Variants in TOM1L2 observed in about 807,000 individuals in gnomAD.
The protein encoded by TOM1L2 is target of myb1 like 2 membrane trafficking protein.
TOM1L2 carries 31 observed loss-of-function variants against 67.9 expected under a neutral mutation model. That is an observed-to-expected ratio of 0.46 (90% CI 0.34 to 0.62). The LOEUF (loss-of-function observed/expected upper bound fraction) is 0.62, where lower values mean the gene tolerates loss of function less well. Ranked by LOEUF, TOM1L2 falls within the 20% of genes least tolerant of loss-of-function variation. TOM1L2 has a pLI of 0.01. For missense variants in TOM1L2, 606 were observed against 663.5 expected (o/e 0.91, Z 0.95); for synonymous variants, 256 against 254.0 (o/e 1.01, Z -0.07).
chr17:17,899,555 T>C (rs1048987091), intron 2 of TOM1L2, among the ~76,000 whole-genome samples: 2 of 152,256 alleles, frequency 1.3e-5, no homozygotes, highest in African/African-American at 2.4e-5. Context: ...ACATATTACA[T>C]GTAGGTCTTG....
At chr17:17,952,219 C>T (rs1308022830) in intron 1 of TOM1L2, among the ~76,000 whole-genome samples, 2 of 151,912 alleles carry the variant, frequency 1.3e-5, no homozygotes, top group South Asian at 2.1e-4. Context: ...AAAACAAAAG[C>T]GAGCTGTAAA....
At chr17:17,916,509 C>T (rs2039635999) in intron 1 of TOM1L2, among the ~76,000 whole-genome samples, 1 of 152,186 alleles carries the variant, frequency 6.6e-6, no homozygotes. Flanking sequence ...TTTCCCAGCA[C>T]CATTTGTTGA....
chr17:17,864,355 C>T (rs1349314698), intron 10 of TOM1L2, among the ~76,000 whole-genome samples: 6 of 151,494 alleles, frequency 4.0e-5, no homozygotes, highest in Non-Finnish European at 8.8e-5. Flanking sequence ...GGACTACAGC[C>T]GCCCACCACC....
chr17:17,888,888 C>G (rs999413796), intron 4 of TOM1L2, among the ~76,000 whole-genome samples: 14 of 152,194 alleles, frequency 9.2e-5, no homozygotes, highest in Non-Finnish European at 2.9e-5. Flanking sequence ...GGGACACAAG[C>G]CAAAACACCA....
rs1457512369 is a variant in TOM1L2 at position 17,845,050 on chromosome 17, G to A, written c.*2585C>T. ...GTGCTCCCCAGATGGTGGGGTCTGG[G>A]AGCAGAGATCTCAGGACAGGCCATC... On this transcript the variant is annotated 3_prime_UTR_variant, in exon 15 of 15. Transcript: ENST00000379504. The A allele has an allele frequency of 3.9e-5, 6 of 152,418 alleles. No individual in the cohort carries two copies. The highest frequency in any genetic ancestry group is 3.3e-4 in the Admixed American group (5 of 15,286). The allele number at this position is 152,418 out of a possible 1,614,324, so 9.4% of individuals were successfully genotyped here.
intron 1 of TOM1L2, among the ~76,000 whole-genome samples, chr17:17,936,676 T>C (rs1229924800): frequency 6.6e-6 from 1 of 152,212 alleles, no homozygotes; most frequent in Non-Finnish European, 1.5e-5. Flanking sequence ...TTAATAATGA[T>C]ATTTATAAGC....
At chr17:17,878,547 G>A (rs1393258195) in intron 7 of TOM1L2, among the ~76,000 whole-genome samples, 1 of 152,226 alleles carries the variant, frequency 6.6e-6, no homozygotes, top group Non-Finnish European at 1.5e-5. Context: ...ACAATAAGCA[G>A]CAACTTGGGA....
chr17:17,893,817 TG>T lies in TOM1L2; in HGVS notation c.217-8del, dbSNP rs2038417601. 6.2e-7 allele frequency: 1 copy of T among 1,613,066 alleles called. No individual in the cohort carries two copies. The highest frequency in any genetic ancestry group is 8.5e-7 in the Non-Finnish European group (1 of 1,179,500). ...TCACACATGTCTCCAGCACCTGATG[TG>T]GGGAGGGAAGGAAAAGGGTCACCCC... is the stretch of plus-strand genomic sequence containing the variant. On this transcript the variant is annotated splice_region_variant and splice_polypyrimidine_tract_variant and intron_variant, in intron 3 of 14. Coordinates refer to ENST00000379504, the MANE Select transcript of TOM1L2 (RefSeq NM_001082968.2).
Position 17,847,407 on chromosome 17 carries a change from G to A in TOM1L2, c.*228C>T. 1.7e-6 allele frequency: 1 copy of A among 594,768 alleles called. No individual in the cohort carries two copies. The highest frequency in any genetic ancestry group is 2.9e-6 in the Non-Finnish European group (1 of 347,124). 36.8% of individuals were successfully genotyped at this position (594,768 alleles called of 1,614,324 possible). A position where few individuals can be genotyped will look rare whatever the true frequency, so the allele number is the denominator to read the frequency against. On this transcript the variant is annotated 3_prime_UTR_variant, in exon 15 of 15. Transcript: ENST00000379504. ...GGAAACATGGGCAGAGGGGCCCATG[G>A]TGGGAGGGGAGAGAGTCTCTGGCTG...
chr17:17,931,929 T>C (rs2040353403), intron 1 of TOM1L2, among the ~76,000 whole-genome samples: 1 of 152,248 alleles, frequency 6.6e-6, no homozygotes, highest in Non-Finnish European at 1.5e-5. Context: ...GGTGGCCACC[T>C]TACCCAAAGA....
intron 1 of TOM1L2, among the ~76,000 whole-genome samples, chr17:17,946,598 TATA>T (rs2144847142): frequency 6.6e-6 from 1 of 152,370 alleles, no homozygotes; most frequent in South Asian, 2.1e-4. Flanking sequence ...TTGCTAACAT[TATA>T]AAGTTAAGTC....
At chr17:17,852,304 C>T (rs2036020619) in intron 12 of TOM1L2, among the ~76,000 whole-genome samples, 1 of 152,204 alleles carries the variant, frequency 6.6e-6, no homozygotes, top group South Asian at 2.1e-4. Context: ...TGGGGGTTGA[C>T]ACCTGCTGCT....
chr17:17,866,042 G>A (rs975148536), intron 10 of TOM1L2, among the ~76,000 whole-genome samples: 4 of 152,026 alleles, frequency 2.6e-5, no homozygotes, highest in African/African-American at 7.2e-5. Flanking sequence ...GCGCACGGCC[G>A]TGACCTTTCT....
At chr17:17,898,464 C>G in intron 3 of TOM1L2, 132 bp downstream of exon 3, 1 of 872,378 alleles carries the variant, frequency 1.1e-6, no homozygotes, top group Non-Finnish European at 1.9e-6. Flanking sequence ...CTTTGCTGGA[C>G]TCCAGTGGCC....
rs1173786299 is a variant in TOM1L2 at position 17,907,432 on chromosome 17, G to A, written c.137+15C>T. 7 of 1,612,416 alleles carry A rather than the reference G, an allele frequency of 4.3e-6. No individual in the cohort carries two copies. The highest frequency in any genetic ancestry group is 1.6e-4 in the Middle Eastern group (1 of 6,078). ...AAGCTCAGAGAGGCTTCCCAGGAGAGGGGGGCACACGTACCCTTCCTCCGT... is the reference window on the plus strand; with the variant it reads ...AAGCTCAGAGAGGCTTCCCAGGAGAAGGGGGCACACGTACCCTTCCTCCGT... On this transcript the variant is annotated intron_variant, in intron 2 of 14. Coordinates refer to ENST00000379504, the MANE Select transcript of TOM1L2 (RefSeq NM_001082968.2).
chr17:17,960,234 C>T (rs2041626995), intron 1 of TOM1L2, among the ~76,000 whole-genome samples: 1 of 152,234 alleles, frequency 6.6e-6, no homozygotes, highest in African/African-American at 2.4e-5. Flanking sequence ...ATACTAAGCT[C>T]TCTGGTTTAG....
chr17:17,869,660 G>C, intron 7 of TOM1L2, 187 bp from the exon 8 acceptor site: 2 of 1,380,800 alleles, frequency 1.4e-6, no homozygotes, highest in Non-Finnish European at 1.9e-6. Flanking sequence ...CTTCCGCAGA[G>C]GAAACAAGTA....
chr17:17,930,081 C>T (rs765045148), intron 1 of TOM1L2, among the ~76,000 whole-genome samples: 1 of 152,038 alleles, frequency 6.6e-6, no homozygotes, highest in Non-Finnish European at 1.5e-5. Context: ...AAAAACAAAA[C>T]AAAAAAGACA....
At chr17:17,937,998 G>A (rs150087002) in intron 1 of TOM1L2, among the ~76,000 whole-genome samples, 1 of 152,282 alleles carries the variant, frequency 6.6e-6, no homozygotes, top group East Asian at 1.9e-4. Context: ...TCCACACAAA[G>A]GCTTGACTGG....
Sources: allele counts gnomAD v4.1 joint callset (sites outside exome capture counted in the v4.1 genomes callset), GRCh38; gene constraint gnomAD v4.1.1; transcripts MANE v1.5; gene names NCBI Gene and HGNC (gene_info 2026-07-23, HGNC 2026-07-21).